Variants in UVRAG observed in about 807,000 individuals in gnomAD.
The protein encoded by UVRAG is UV radiation resistance-associated gene protein.
UVRAG carries 19 observed loss-of-function variants against 78.0 expected under a neutral mutation model. That is an observed-to-expected ratio of 0.24 (90% CI 0.17 to 0.36). The LOEUF (loss-of-function observed/expected upper bound fraction) is 0.36, where lower values mean the gene tolerates loss of function less well. Ranked by LOEUF, UVRAG falls within the 10% of genes least tolerant of loss-of-function variation. The pLI, the probability that UVRAG is intolerant of heterozygous loss-of-function variation, is 1.00. For missense variants in UVRAG, 740 were observed against 853.8 expected (o/e 0.87, Z 1.66); for synonymous variants, 323 against 324.6 (o/e 1.00, Z 0.05).
At chr11:75,964,128 C>T (rs1170926956) in intron 7 of UVRAG, among the ~76,000 whole-genome samples, 1 of 152,142 alleles carries the variant, frequency 6.6e-6, no homozygotes, top group Non-Finnish European at 1.5e-5. Context: ...TTTTAATGCT[C>T]ATTACTGGAT....
At chr11:75,999,642 G>A (rs565815016) in intron 8 of UVRAG, among the ~76,000 whole-genome samples, 2 of 152,226 alleles carry the variant, frequency 1.3e-5, no homozygotes, top group South Asian at 4.1e-4. Flanking sequence ...GCCTCCCAAA[G>A]TGCTGGGATT....
chr11:75,979,580 G>A, intron 7 of UVRAG: 1 of 156,158 alleles, frequency 6.4e-6, no homozygotes, highest in East Asian at 1.9e-4. Flanking sequence ...GCATTGGTGG[G>A]CGCCCCTCCC....
At chr11:75,944,741 A>T (rs1948556733) in intron 6 of UVRAG, among the ~76,000 whole-genome samples, 1 of 152,178 alleles carries the variant, frequency 6.6e-6, no homozygotes, top group Admixed American at 6.5e-5. Flanking sequence ...GAATTAGTAA[A>T]TAAGATCTCT....
chr11:76,040,058 A>AT (rs1225849138), intron 12 of UVRAG, among the ~76,000 whole-genome samples: 1 of 152,166 alleles, frequency 6.6e-6, no homozygotes, highest in African/African-American at 2.4e-5. Context: ...TTGTATATAT[A>AT]TTTTTAAGTT....
At chr11:75,877,405 C>T (rs1946814222) in intron 3 of UVRAG, among the ~76,000 whole-genome samples, 1 of 151,992 alleles carries the variant, frequency 6.6e-6, no homozygotes, top group African/African-American at 2.4e-5. Flanking sequence ...AGAGGGGCTC[C>T]TCACTTCCCA....
intron 5 of UVRAG, among the ~76,000 whole-genome samples, chr11:75,903,557 C>A (rs1947555201): frequency 6.6e-6 from 1 of 152,222 alleles, no homozygotes; most frequent in Admixed American, 6.5e-5. Context: ...CTGTGTGGGA[C>A]TTTCCTTCAC....
At chr11:76,123,259 G>T (rs1454700381) in intron 14 of UVRAG, among the ~76,000 whole-genome samples, 2 of 152,160 alleles carry the variant, frequency 1.3e-5, no homozygotes, top group African/African-American at 2.4e-5. Flanking sequence ...CAGGCAGCAG[G>T]CCTGGTGGAA....
intron 14 of UVRAG, among the ~76,000 whole-genome samples, chr11:76,133,290 G>A (rs1952543919): frequency 6.6e-6 from 1 of 152,148 alleles, no homozygotes. Context: ...GAGCAGTGAG[G>A]TGCATCATCA....
At chr11:76,083,689 C>T (rs1356487699) in intron 13 of UVRAG, among the ~76,000 whole-genome samples, 1 of 152,100 alleles carries the variant, frequency 6.6e-6, no homozygotes, top group Non-Finnish European at 1.5e-5. Context: ...TATAACCAAG[C>T]CAAAAAATTT....
chr11:76,022,314 A>G (rs1950258548), intron 12 of UVRAG, among the ~76,000 whole-genome samples: 1 of 152,150 alleles, frequency 6.6e-6, no homozygotes, highest in African/African-American at 2.4e-5. Flanking sequence ...TTGGTTTATG[A>G]TGTTCTCAAG....
chr11:75,858,780 G>T (rs983650595), intron 2 of UVRAG, among the ~76,000 whole-genome samples: 2 of 152,150 alleles, frequency 1.3e-5, no homozygotes, highest in African/African-American at 4.8e-5. Context: ...TTGCCACCCT[G>T]TTAGGTGAAA....
At chr11:76,006,023 G>A (rs148765376) in intron 9 of UVRAG, among the ~76,000 whole-genome samples, 7 of 151,412 alleles carry the variant, frequency 4.6e-5, no homozygotes, top group African/African-American at 1.7e-4. Flanking sequence ...TGGTGGGTGG[G>A]GAAGAAAGTC....
rs371814017 is a variant in UVRAG at position 75,920,585 on chromosome 11, C to T, written c.593+8546C>T. The stretch of plus-strand genomic sequence containing the variant: ...TTTTGGCTCATCTTCTTCTTTAAGC[C>T]CTTTTCCCCCATTCCGCTGCCAGCA... On this transcript the variant is annotated intron_variant, in intron 6 of 14. Transcript: ENST00000356136. Among the ~76,000 whole-genome samples the T allele has an allele frequency of 5.9e-4, 89 of 152,080 alleles. 1 individual carries two copies. Among genetic ancestry groups the T allele is most frequent in the African/African-American group, 2.1e-3 (87 of 41,452 alleles).
chr11:75,919,859 C>A (rs1025746510), intron 6 of UVRAG, among the ~76,000 whole-genome samples: 1 of 151,988 alleles, frequency 6.6e-6, no homozygotes, highest in African/African-American at 2.4e-5. Flanking sequence ...CTGCCAGGCT[C>A]CAGTGCACGT....
intron 13 of UVRAG, among the ~76,000 whole-genome samples, chr11:76,088,419 G>A (rs765586689): frequency 6.6e-6 from 1 of 152,032 alleles, no homozygotes; most frequent in Non-Finnish European, 1.5e-5. Context: ...CCTTGTCATC[G>A]TTTTCCATAG....
Position 76,016,838 on chromosome 11 carries a change from G to T in UVRAG, c.1084G>T (p.Val362Phe). 2 of 1,601,484 alleles carry T rather than the reference G, an allele frequency of 1.2e-6. No homozygotes were observed. The highest frequency in any genetic ancestry group is 1.3e-5 in the African/African-American group (1 of 74,848). ...FQAKDDGSIA[V>F]ALGYTAHLVS... ...AGCAAAAGATGATGGAAGCATTGCT[G>T]TTGCCCTTGGTTATACTGCACATCT... is the stretch of plus-strand genomic sequence containing the variant. Residue 362 changes from valine (V) to phenylalanine (F), a missense_variant, in exon 12 of 15, where the codon GTT becomes TTT. Val to Phe is a conservative substitution (Grantham distance 50). Coordinates refer to ENST00000356136, the MANE Select transcript of UVRAG (RefSeq NM_003369.4).
At chr11:76,057,731 CT>C (rs1951009437) in intron 12 of UVRAG, among the ~76,000 whole-genome samples, 1 of 151,442 alleles carries the variant, frequency 6.6e-6, no homozygotes, top group African/African-American at 2.4e-5. Context: ...TTTTTTCCCC[CT>C]CTTTAGTCTT....
chr11:75,898,970 A>T (rs928664196), intron 5 of UVRAG, among the ~76,000 whole-genome samples: 1 of 152,206 alleles, frequency 6.6e-6, no homozygotes, highest in African/African-American at 2.4e-5. Context: ...AACTGTCCCA[A>T]GTAAAGCCAA....
At chr11:75,951,441 G>A (rs1258360516) in intron 6 of UVRAG, among the ~76,000 whole-genome samples, 1 of 151,832 alleles carries the variant, frequency 6.6e-6, no homozygotes, top group Non-Finnish European at 1.5e-5. Context: ...GGAGTACAAT[G>A]GTGCGATCTC....
Sources: gnomAD v4.1 joint callset for allele counts (sites outside exome capture counted in the v4.1 genomes callset) on GRCh38, gnomAD v4.1.1 for gene constraint, MANE v1.5 for transcripts, NCBI Gene and HGNC (gene_info 2026-07-23, HGNC 2026-07-21) for gene names.